Variants in PDE10A observed in about 807,000 individuals in gnomAD.
PDE10A encodes phosphodiesterase 10A.
Under a neutral mutation model 97.7 loss-of-function variants are expected in PDE10A, and 39 were observed. The ratio of observed to expected loss-of-function variants is 0.40; its 90% CI spans 0.31 to 0.52. The LOEUF is 0.52. Among genes scored for constraint, PDE10A ranks in the 20% least tolerant of loss-of-function variants. PDE10A has a pLI of 0.56. For missense variants in PDE10A, 731 were observed against 1,047.8 expected, an observed-to-expected ratio of 0.70 and a Z score of 4.17; for synonymous variants, 371 against 376.8, an observed-to-expected ratio of 0.98 and a Z score of 0.18.
intron 13 of PDE10A, among the ~76,000 whole-genome samples, chr6:165,408,773 T>C (rs983340330): frequency 1.3e-5 from 2 of 152,142 alleles, no homozygotes; most frequent in African/African-American, 4.8e-5. Flanking sequence ...GGAATCATTA[T>C]GAAGCTGTGG....
intron 1 of PDE10A, among the ~76,000 whole-genome samples, chr6:165,767,004 A>G (rs1014053149): frequency 2.6e-5 from 4 of 152,250 alleles, no homozygotes; most frequent in African/African-American, 9.6e-5. Context: ...CTGGCCCACA[A>G]ATAACAGGCT....
At chr6:165,522,122 CAAT>C (rs1274728872) in intron 2 of PDE10A, among the ~76,000 whole-genome samples, 16 of 152,134 alleles carry the variant, frequency 1.1e-4, no homozygotes, top group Non-Finnish European at 1.9e-4. Context: ...AACAGACCAA[CAAT>C]GAGTTCCACA....
At chr6:165,793,042 C>T (rs1159777706) in intron 1 of PDE10A, among the ~76,000 whole-genome samples, 2 of 152,044 alleles carry the variant, frequency 1.3e-5, no homozygotes, top group Non-Finnish European at 1.5e-5. Flanking sequence ...GATTCAAATG[C>T]TCAAAAATAA....
chr6:165,709,312 C>T (rs1046250981), intron 1 of PDE10A, among the ~76,000 whole-genome samples: 10 of 144,160 alleles, frequency 6.9e-5, no homozygotes, highest in Non-Finnish European at 1.1e-4. Context: ...GCGGCGCTCT[C>T]CCCCCACTCC....
rs138235930 is a variant in PDE10A at position 165,464,138 on chromosome 6, G to A, written c.1024-13776C>T. On this transcript the variant is annotated intron_variant, in intron 3 of 21. Coordinates refer to ENST00000539869, the MANE Select transcript of PDE10A (RefSeq NM_001385079.1). ...TGTGTGTGTCTTTAATTCCTCTAGCGCTGCTGGGTTAGGGTCTCCCCAACC... is the reference window on the plus strand; with the variant it reads ...TGTGTGTGTCTTTAATTCCTCTAGCACTGCTGGGTTAGGGTCTCCCCAACC... Among the ~76,000 whole-genome samples the A allele has an allele frequency of 8.4e-3, 1,281 of 152,116 alleles. 11 individuals are homozygous for A. Among genetic ancestry groups the A allele is most frequent in the Non-Finnish European group, 0.013 (876 of 68,004 alleles).
At chr6:165,527,044 C>T (rs1028786828) in intron 2 of PDE10A, among the ~76,000 whole-genome samples, 1 of 152,190 alleles carries the variant, frequency 6.6e-6, no homozygotes, top group African/African-American at 2.4e-5. Context: ...ATTTGTGTGC[C>T]AGAGGATGGG....
intron 1 of PDE10A, among the ~76,000 whole-genome samples, chr6:165,831,155 T>C (rs1779899875): frequency 6.6e-6 from 1 of 151,426 alleles, no homozygotes; most frequent in South Asian, 2.1e-4. Context: ...GAGGCTGAGG[T>C]GGGTGGCTCA....
intron 1 of PDE10A, among the ~76,000 whole-genome samples, chr6:165,804,111 T>G (rs983817877): frequency 2.0e-5 from 3 of 152,176 alleles, no homozygotes; most frequent in Admixed American, 6.5e-5. Flanking sequence ...TTAACCAAGA[T>G]CTAGTCAATT....
At chr6:165,866,796 GA>G in intron 1 of PDE10A, among the ~76,000 whole-genome samples, 1 of 148,754 alleles carries the variant, frequency 6.7e-6, no homozygotes, top group Non-Finnish European at 1.5e-5. Flanking sequence ...TCAAAGTGCT[GA>G]AAGAAAAAAA....
At chr6:165,930,364 G>T (rs1157316401) in intron 1 of PDE10A, among the ~76,000 whole-genome samples, 1 of 152,142 alleles carries the variant, frequency 6.6e-6, no homozygotes, top group Admixed American at 6.5e-5. Context: ...AGAGGGTGTG[G>T]GTGGCCACCC....
intron 2 of PDE10A, among the ~76,000 whole-genome samples, chr6:165,498,691 G>A (rs1780695477): frequency 6.6e-6 from 1 of 152,066 alleles, no homozygotes; most frequent in African/African-American, 2.4e-5. Flanking sequence ...TAAACATTAA[G>A]AACTTAGAAT....
At chr6:165,633,094 A>G (rs1271326484) in intron 1 of PDE10A, among the ~76,000 whole-genome samples, 4 of 152,068 alleles carry the variant, frequency 2.6e-5, no homozygotes. Context: ...AAAAAAAAGA[A>G]AAGAAAAAAG....
chr6:165,906,882 G>A (rs182316537), intron 1 of PDE10A, among the ~76,000 whole-genome samples: 109 of 152,338 alleles, frequency 7.2e-4, no homozygotes, highest in Non-Finnish European at 3.1e-4. Context: ...AAAGTCACAC[G>A]GTAGATCGGA....
chr6:165,505,697 G>A (rs895917918), intron 2 of PDE10A, among the ~76,000 whole-genome samples: 5 of 151,970 alleles, frequency 3.3e-5, no homozygotes, highest in Admixed American at 2.0e-4. Context: ...ACTATTTTGG[G>A]GGCCTAAATT....
intron 1 of PDE10A, among the ~76,000 whole-genome samples, chr6:165,831,631 C>CCCG (rs1307143730): frequency 1.3e-5 from 2 of 151,554 alleles, no homozygotes; most frequent in African/African-American, 2.4e-5. Context: ...ACTACAGGCG[C>CCCG]CCGCCACCAC....
chr6:165,715,344 C>A (rs931975187), intron 1 of PDE10A, among the ~76,000 whole-genome samples: 28 of 152,250 alleles, frequency 1.8e-4, no homozygotes, highest in Admixed American at 1.8e-3. Flanking sequence ...TAGAACCATA[C>A]GCTGTCCACG....
rs1324606724 is a variant in PDE10A at position 165,661,829 on chromosome 6, C to A, written c.865+118G>T. 2 of 591,094 alleles carry A rather than the reference C, an allele frequency of 3.4e-6. No homozygotes were observed. The highest frequency in any genetic ancestry group is 3.1e-6 in the Non-Finnish European group (1 of 322,224). 36.6% of individuals were successfully genotyped at this position (591,094 alleles called of 1,614,324 possible). A position where few individuals can be genotyped will look rare whatever the true frequency, so the allele number is the denominator to read the frequency against. On this transcript the variant is annotated intron_variant, in intron 1 of 21. Transcript: ENST00000539869. The surrounding 1 kb of genome is among the most constrained non-coding windows in gnomAD (Gnocchi z 4.8). ...AGAGAAGCCCCCTGGGCGCTCCACG[C>A]CCGGGCACGGGCACCTCGCTCGACA... is the stretch of plus-strand genomic sequence containing the variant.
At chr6:165,921,227 G>A (rs151031568) in intron 1 of PDE10A, among the ~76,000 whole-genome samples, 161 of 152,284 alleles carry the variant, frequency 1.1e-3, no homozygotes, top group Middle Eastern at 0.01. Context: ...TTCAGCTGCC[G>A]GTAGACTGCA....
intron 1 of PDE10A, among the ~76,000 whole-genome samples, chr6:165,675,280 C>G (rs1311774561): frequency 6.6e-6 from 1 of 151,988 alleles, no homozygotes; most frequent in Non-Finnish European, 1.5e-5. Flanking sequence ...AAGACCAAAC[C>G]ATAAAATTTT....
Sources: allele counts gnomAD v4.1 joint callset (sites outside exome capture counted in the v4.1 genomes callset), GRCh38; gene constraint gnomAD v4.1.1; non-coding constraint Gnocchi (gnomAD v3.1); transcripts MANE v1.5; gene names NCBI Gene and HGNC (gene_info 2026-07-23, HGNC 2026-07-21).